TMEM26: variants seen among roughly 807,000 people sequenced by gnomAD.
TMEM26 encodes the protein transmembrane protein 26.
A neutral mutation model predicts 28.8 loss-of-function variants in TMEM26; 38 were observed. The ratio of observed to expected loss-of-function variants is 1.32; its 90% confidence interval spans 1.02 to 1.73. The LOEUF (loss-of-function observed/expected upper bound fraction) is 1.73. Ranked by LOEUF, TMEM26 falls within the 40% of genes most tolerant of loss-of-function variation. The pLI, the probability that TMEM26 is intolerant of heterozygous loss-of-function variation, is 0.00. For missense variants in TMEM26, 518 were observed against 447.1 expected (o/e 1.16, Z -1.43); for synonymous variants, 227 against 182.9 (o/e 1.24, Z -1.95).
intron 1 of TMEM26, among the ~76,000 whole-genome samples, chr10:61,452,379 G>T (rs1163922065): frequency 6.6e-6 from 1 of 152,244 alleles, no homozygotes; most frequent in East Asian, 1.9e-4. Context: ...GAAGGGAAGC[G>T]GATGAAACCA....
chr10:61,424,856 G>T (rs1314163434), intron 4 of TMEM26, among the ~76,000 whole-genome samples: 2 of 152,184 alleles, frequency 1.3e-5, no homozygotes, highest in Non-Finnish European at 2.9e-5. Context: ...GGGAAAATTA[G>T]TCCCAGCTGG....
At chr10:61,452,739 GCAAGCATCTCGCGCCTTC>G (rs1840309766) in intron 1 of TMEM26, 134 bp downstream of exon 1, 1 of 969,148 alleles carries the variant, frequency 1.0e-6, no homozygotes, top group Admixed American at 2.3e-5. Flanking sequence ...CAAGAGATGC[GCAAGCATCTCGCGCCTTC>G]CAAGCGATCA....
intron 1 of TMEM26, among the ~76,000 whole-genome samples, chr10:61,444,823 G>A (rs962476243): frequency 3.9e-5 from 6 of 151,988 alleles, no homozygotes; most frequent in Non-Finnish European, 7.4e-5. Context: ...TCCATCCTGG[G>A]AAGAAGAATC....
chr10:61,413,873 T>C, intron 4 of TMEM26: 1 of 997,260 alleles, frequency 1.0e-6, no homozygotes, highest in Non-Finnish European at 1.2e-6. Context: ...GATATTCAAA[T>C]GGCTGATTTC....
In TMEM26 at chr10:61,453,121, C is replaced by A; in HGVS notation, c.-40G>T. The A allele has an allele frequency of 6.3e-7, 1 of 1,591,240 alleles. No homozygotes were observed. Among genetic ancestry groups the A allele is most frequent in the Non-Finnish European group, 8.6e-7 (1 of 1,166,876 alleles). On this transcript the variant is annotated 5_prime_UTR_variant, in exon 1 of 6. Coordinates refer to ENST00000399298, the MANE Select transcript of TMEM26 (RefSeq NM_178505.8). ...TCTGCCTACGTCCCCTTGCCTGCGC[C>A]CCCAGGACCCTGCCGGGCGTGCCCG...
intron 1 of TMEM26, among the ~76,000 whole-genome samples, chr10:61,450,789 C>T (rs903011861): frequency 3.3e-5 from 5 of 151,770 alleles, no homozygotes; most frequent in African/African-American, 7.3e-5. Flanking sequence ...ACGTTTTTGC[C>T]TGGAACCAAT....
In TMEM26 at chr10:61,410,733, C is replaced by T. The variant is rs758819953; in HGVS notation, c.696G>A (p.Val232=). The change falls in exon 6 of 6, where the codon GTG becomes GTA. Residue 232 remains valine (V), a synonymous_variant. Transcript: ENST00000399298. Reference sequence around the variant, plus strand: ...CCCTCTCTGTCACAGACACAGGGCACACAACGTTCTGTACTGAAAACACAA... The same window carrying T: ...CCCTCTCTGTCACAGACACAGGGCATACAACGTTCTGTACTGAAAACACAA... ...FPLDLAVQNV[V]CPVSVTERGF... The T allele has an allele frequency of 3.1e-6, 5 of 1,613,956 alleles. No homozygotes were observed. The South Asian group carries it at 4.4e-5, about 14-fold the overall frequency.
Position 61,412,620 on chromosome 10 carries a change from C to A in TMEM26, c.682+839G>T, listed in dbSNP as rs548269022. Among the ~76,000 whole-genome samples, 3 of 152,214 alleles carry A rather than the reference C, an allele frequency of 2.0e-5. No homozygotes were observed. The East Asian group carries it at 5.8e-4, about 29-fold the overall frequency. ...AAATTCTAGGGTTCCAAGAAGTTTT[C>A]AGATGACTCCAGATGAACACTGCTC... On this transcript the variant is annotated intron_variant, in intron 5 of 5. Transcript: ENST00000399298.
At chr10:61,450,384 A>T (rs567102231) in intron 1 of TMEM26, among the ~76,000 whole-genome samples, 2 of 152,226 alleles carry the variant, frequency 1.3e-5, no homozygotes, top group Admixed American at 6.5e-5. Flanking sequence ...ATGTTCCCCA[A>T]ATTGAACGTT....
intron 4 of TMEM26, among the ~76,000 whole-genome samples, chr10:61,427,428 G>C (rs1414279571): frequency 6.6e-6 from 1 of 152,048 alleles, no homozygotes; most frequent in Non-Finnish European, 1.5e-5. Context: ...CCAATCAGTA[G>C]TGGGTGAGTG....
intron 1 of TMEM26, among the ~76,000 whole-genome samples, chr10:61,441,592 A>G (rs1171788258): frequency 2.0e-5 from 3 of 152,194 alleles, no homozygotes; most frequent in African/African-American, 7.2e-5. Flanking sequence ...ATACCATGGA[A>G]AGATCTGGCC....
intron 5 of TMEM26, chr10:61,412,924 C>G (rs1189574443): frequency 7.7e-7 from 1 of 1,293,892 alleles, no homozygotes; most frequent in East Asian, 5.7e-5. Context: ...AAAGTAAGAC[C>G]AGTAGGATTC....
At position 61,429,136 on chromosome 10, in the gene TMEM26, A is replaced by C. The variant is rs770087674; in HGVS notation, c.395T>G (p.Phe132Cys). Residue 132 changes from phenylalanine to cysteine, a missense_variant, in exon 4 of 6, where the codon TTT (phenylalanine) becomes TGT (cysteine). Phe to Cys is a radical substitution (Grantham distance 205). Transcript: ENST00000399298. ...ADDLIETAKVFVNNLSTVCEK... is the reference protein window; with the variant it reads ...ADDLIETAKVCVNNLSTVCEK... ...ACATACTGTAGATAAGTTATTCACAAAAACTTTGGCCTGTTTAACAGAAAT... is the reference window on the plus strand; with the variant it reads ...ACATACTGTAGATAAGTTATTCACACAAACTTTGGCCTGTTTAACAGAAAT... The C allele has an allele frequency of 1.2e-6, 2 of 1,612,614 alleles. No homozygotes were observed. The highest frequency in any genetic ancestry group is 1.7e-6 in the Non-Finnish European group (2 of 1,179,214).
chr10:61,410,449 C>T lies in TMEM26; in HGVS notation c.980G>A (p.Gly327Asp). ...ACTCTCAGAGGTCTGTGCCCGGCAA[C>T]CATGTTCTCCTTTCAGGCCTTCTGA... is the stretch of plus-strand genomic sequence containing the variant. ...SQSEGLKGEH[G>D]CRAQTSESGP... Residue 327 changes from glycine to aspartate, a missense_variant, in exon 6 of 6, where the codon GGT (glycine) becomes GAT (aspartate). Coordinates refer to ENST00000399298, the MANE Select transcript of TMEM26 (RefSeq NM_178505.8). The T allele has an allele frequency of 6.2e-7, 1 of 1,614,122 alleles. No homozygotes were observed. The highest frequency in any genetic ancestry group is 8.5e-7 in the Non-Finnish European group (1 of 1,180,018).
chr10:61,446,282 A>G (rs1299276684), intron 1 of TMEM26, among the ~76,000 whole-genome samples: 5 of 152,158 alleles, frequency 3.3e-5, no homozygotes, highest in Non-Finnish European at 5.9e-5. Flanking sequence ...TGCTAATAAC[A>G]TTCAGTGTGT....
Position 61,428,966 on chromosome 10 carries a change from G to C in TMEM26, c.565C>G (p.Leu189Val), listed in dbSNP as rs777636389. ...TCTAGGGTCTCACTTGTGAATTCCA[G>C]TATGTCAGCCGCTGTCCCCACAAAC... ...LMFVGTAADI[L>V]EFTSETLEEQ... Residue 189 changes from leucine to valine, a missense_variant, in exon 4 of 6, where the codon CTG becomes GTG. Leu to Val is a conservative substitution (Grantham distance 32). Coordinates refer to ENST00000399298, the MANE Select transcript of TMEM26 (RefSeq NM_178505.8). 1.2e-6 allele frequency: 2 copies of C among 1,613,140 alleles called. No homozygotes were observed. The highest frequency in any genetic ancestry group is 2.2e-5 in the East Asian group (1 of 44,856).
chr10:61,418,090 T>A (rs186575153), intron 4 of TMEM26, among the ~76,000 whole-genome samples: 139 of 152,014 alleles, frequency 9.1e-4, no homozygotes, highest in Middle Eastern at 3.4e-3. Flanking sequence ...TTAATTGTAC[T>A]GAATGAAGTT....
intron 3 of TMEM26, among the ~76,000 whole-genome samples, chr10:61,430,585 ACCT>A: frequency 6.6e-6 from 1 of 150,772 alleles, no homozygotes; most frequent in African/African-American, 2.5e-5. Flanking sequence ...AAAAAAAAAA[ACCT>A]CCTGAAACTA....
chr10:61,442,738 CCTGT>C (rs1349279357), intron 1 of TMEM26, among the ~76,000 whole-genome samples: 15 of 152,276 alleles, frequency 9.9e-5, no homozygotes, highest in Admixed American at 7.8e-4. Context: ...AGTCCCTAAA[CCTGT>C]CTAACAATGC....
Sources: allele counts gnomAD v4.1 joint callset (sites outside exome capture counted in the v4.1 genomes callset), GRCh38; gene constraint gnomAD v4.1.1; transcripts MANE v1.5; gene names NCBI Gene and HGNC (gene_info 2026-07-23, HGNC 2026-07-21).